The following ZFHX3 variants were observed in gnomAD, a reference collection of about 807,000 sequenced individuals.
ZFHX3 encodes the protein zinc finger homeobox protein 3.
Under a neutral mutation model 279.1 loss-of-function variants are expected in ZFHX3, and 42 were observed. The observed-to-expected ratio is 0.15, with a 90% CI of 0.12 to 0.19. ZFHX3 has a LOEUF of 0.19. Among genes scored for constraint, ZFHX3 ranks in the 10% least tolerant of loss-of-function variants. The pLI is 1.00. For missense variants in ZFHX3, 4,981 were observed against 4,754.0 expected (o/e 1.05, Z -1.40); for synonymous variants, 2,293 against 1,957.8 (o/e 1.17, Z -4.52).
intron 3 of ZFHX3, among the ~76,000 whole-genome samples, chr16:72,921,755 G>C (rs1266342219): frequency 1.3e-5 from 2 of 152,236 alleles, no homozygotes; most frequent in Non-Finnish European, 2.9e-5. Flanking sequence ...CCAGCGTGCT[G>C]CATGCTGGTT....
rs201144589 is a variant in ZFHX3 at position 72,957,501 on chromosome 16, G to A, written c.2645C>T (p.Ser882Leu). The change falls in exon 2 of 10, where the codon TCG becomes TTG. Residue 882 changes from serine (S) to leucine (L), a missense_variant. This residue lies in a region of ZFHX3 where 1,751 missense variants were observed against 1,770.0 expected (regional missense o/e 0.99). Transcript: ENST00000268489. ...LPNLKMDSAA[S>L]DAQFMMSGFQ... The stretch of plus-strand genomic sequence containing the variant: ...TCCGCTCATCATGAACTGGGCGTCC[G>A]AGGCAGCACTGTCCATCTTCAGGTT... The A allele has an allele frequency of 7.4e-6, 12 of 1,614,164 alleles. No homozygotes were observed. Among genetic ancestry groups the A allele is most frequent in the South Asian group, 2.2e-5 (2 of 91,092 alleles).
At chr16:73,702,972 C>G (rs2053265119) in intron 1 of ZFHX3, among the ~76,000 whole-genome samples, 1 of 152,000 alleles carries the variant, frequency 6.6e-6, no homozygotes, top group Non-Finnish European at 1.5e-5. Context: ...TTCCATGGCT[C>G]AGTAGAGGCA....
In ZFHX3 at chr16:72,976,250, C is replaced by T. The variant is rs116993232; in HGVS notation, c.-49-16056G>A. On this transcript the variant is annotated intron_variant, in intron 1 of 9. Transcript: ENST00000268489. ...AGCCAGCAGTTCTAATCTTGGACAGCGCCAGAACAAATTTTGGCAACTGTT... is the reference window on the plus strand; with the variant it reads ...AGCCAGCAGTTCTAATCTTGGACAGTGCCAGAACAAATTTTGGCAACTGTT... Among the ~76,000 whole-genome samples, 382 of 152,288 alleles carry T rather than the reference C, an allele frequency of 2.5e-3. 10 individuals are homozygous for T. The East Asian group carries it at 0.053, about 21-fold the overall frequency.
At chr16:73,661,142 A>G (rs1222198497) in intron 2 of ZFHX3, among the ~76,000 whole-genome samples, 1 of 152,224 alleles carries the variant, frequency 6.6e-6, no homozygotes, top group African/African-American at 2.4e-5. Context: ...AGAATATCTG[A>G]AAATAAAGGA....
At chr16:73,601,232 C>T (rs900583439) in intron 2 of ZFHX3, among the ~76,000 whole-genome samples, 1 of 147,552 alleles carries the variant, frequency 6.8e-6, no homozygotes, top group African/African-American at 2.5e-5. Flanking sequence ...GCGGGTGGAT[C>T]ACAAGGCCAG....
intron 1 of ZFHX3, among the ~76,000 whole-genome samples, chr16:73,728,810 CCTACA>C (rs2053543849): frequency 1.2e-5 from 1 of 80,368 alleles, no homozygotes; most frequent in Admixed American, 1.6e-4. Flanking sequence ...AGAATAACCC[CCTACA>C]CACACACACA....
intron 1 of ZFHX3, among the ~76,000 whole-genome samples, chr16:73,740,349 C>A (rs1044396363): frequency 1.3e-5 from 2 of 152,164 alleles, no homozygotes; most frequent in African/African-American, 2.4e-5. Flanking sequence ...GGAAGGCTGG[C>A]TCCCTAAAGG....
chr16:73,144,102 G>A (rs1435020395), intron 5 of ZFHX3, among the ~76,000 whole-genome samples: 1 of 152,054 alleles, frequency 6.6e-6, no homozygotes, highest in Non-Finnish European at 1.5e-5. Context: ...GAAACTCAGG[G>A]CAGCCAACCT....
At chr16:73,396,006 T>C (rs1253629993) in intron 3 of ZFHX3, among the ~76,000 whole-genome samples, 1 of 152,240 alleles carries the variant, frequency 6.6e-6, no homozygotes, top group Non-Finnish European at 1.5e-5. Flanking sequence ...GGTTTTCTTT[T>C]CCCTTTGTTA....
At chr16:73,890,258 C>A (rs112299364) in intron 1 of ZFHX3, among the ~76,000 whole-genome samples, 22,972 of 136,322 alleles carry the variant, frequency 0.17, 2,437 homozygotes, top group Middle Eastern at 0.3. Context: ...AAAAAAACAA[C>A]AAAAAAAAAC....
At position 73,130,182 on chromosome 16, in the gene ZFHX3, G is replaced by T. The variant is rs74696413; in HGVS notation, c.-897+786C>A. ...CTTATGGAAGGGATTAGCTGTTTGC[G>T]CATGTAAAGTTCCGAAGGTGAGCTC... On this transcript the variant is annotated intron_variant, in intron 7 of 17. Coordinates refer to the ZFHX3 transcript ENST00000641206. Among the ~76,000 whole-genome samples, 4 of 152,056 alleles carry T rather than the reference G, an allele frequency of 2.6e-5. No homozygotes were observed. The East Asian group carries it at 5.8e-4, about 22-fold the overall frequency.
chr16:73,737,047 T>C (rs528796496), intron 1 of ZFHX3, among the ~76,000 whole-genome samples: 2 of 152,204 alleles, frequency 1.3e-5, no homozygotes, highest in East Asian at 3.9e-4. Context: ...TCTTTCTTTT[T>C]TTTTAAGACA....
intron 3 of ZFHX3, among the ~76,000 whole-genome samples, chr16:73,353,049 G>C (rs1246073076): frequency 2.0e-5 from 3 of 152,116 alleles, no homozygotes; most frequent in African/African-American, 7.2e-5. Flanking sequence ...CTAGTTCCAG[G>C]GGGAATCCAC....
At chr16:72,849,584 A>G (rs1352200069) in intron 4 of ZFHX3, among the ~76,000 whole-genome samples, 1 of 152,218 alleles carries the variant, frequency 6.6e-6, no homozygotes, top group Non-Finnish European at 1.5e-5. Flanking sequence ...AGGTTTATGG[A>G]TAACATTAAT....
chr16:73,059,561 T>TCTCTCTCTCTCTCTCG (rs1965654866), exon 1 of ZFHX3: 1 of 143,766 alleles, frequency 7.0e-6, no homozygotes, highest in Non-Finnish European at 1.5e-5. Flanking sequence ...TCTCTCTCTC[T>TCTCTCTCTCTCTCTCG]CTAAGCAAAC....
Position 72,793,599 on chromosome 16 carries a change from A to G in ZFHX3, c.9083T>C (p.Leu3028Ser). The change falls in exon 9 of 10, where the codon TTG (leucine) becomes TCG (serine). Residue 3028 changes from leucine (L) to serine (S), a missense_variant. Leu to Ser is a moderately radical substitution (Grantham distance 145). Transcript: ENST00000268489. This position sits in a 1 kb window ranked among gnomAD's most constrained non-coding sequence, Gnocchi z 4.3. Reference sequence around the variant, plus strand: ...CCGAGCGCTGTACTTGATGCCACACAAAGTGCACTCTGTTTTGGGTCCCTC... The same window carrying G: ...CCGAGCGCTGTACTTGATGCCACACGAAGTGCACTCTGTTTTGGGTCCCTC... Reference protein sequence around the residue: ...SYEGPKTECTLCGIKYSARLS... With the variant: ...SYEGPKTECTSCGIKYSARLS... The G allele has an allele frequency of 6.2e-7, 1 of 1,614,206 alleles. No homozygotes were observed. Among genetic ancestry groups the G allele is most frequent in the Non-Finnish European group, 8.5e-7 (1 of 1,180,028 alleles).
At chr16:73,410,611 A>G (rs951395838) in intron 3 of ZFHX3, among the ~76,000 whole-genome samples, 1 of 152,188 alleles carries the variant, frequency 6.6e-6, no homozygotes, top group Admixed American at 6.5e-5. Context: ...CACAATTAAG[A>G]AAAAAGTCTT....
intron 1 of ZFHX3, among the ~76,000 whole-genome samples, chr16:73,878,475 C>G (rs901317865): frequency 2.0e-4 from 30 of 152,016 alleles, no homozygotes; most frequent in Non-Finnish European, 4.0e-4. Flanking sequence ...ATGGTATAAG[C>G]ATAATGGATT....
At chr16:72,885,292 C>T (rs2038595600) in intron 4 of ZFHX3, among the ~76,000 whole-genome samples, 2 of 152,276 alleles carry the variant, frequency 1.3e-5, no homozygotes, top group East Asian at 3.8e-4. Flanking sequence ...GCTCTGTCCA[C>T]TGGTGCAGGG....
Sources: allele counts gnomAD v4.1 joint callset (sites outside exome capture counted in the v4.1 genomes callset), GRCh38; gene constraint gnomAD v4.1.1; regional missense constraint gnomAD v4.1.1; non-coding constraint Gnocchi (gnomAD v3.1); transcripts MANE v1.5; gene names NCBI Gene and HGNC (gene_info 2026-07-23, HGNC 2026-07-21).